EEF2K: variants seen among roughly 807,000 people sequenced by gnomAD.
EEF2K encodes eukaryotic elongation factor 2 kinase.
A neutral mutation model predicts 93.8 loss-of-function variants in EEF2K; 70 were observed. That is an observed-to-expected ratio of 0.75 (90% CI 0.62 to 0.91). The LOEUF is 0.91. Among genes scored for constraint, EEF2K ranks in the 40% least tolerant of loss-of-function variants. EEF2K has a pLI of 0.00. For synonymous variants in EEF2K, 376 were observed against 380.8 expected (o/e 0.99, Z 0.15); for missense variants, 935 against 972.9 (o/e 0.96, Z 0.52).
Position 22,285,771 on chromosome 16 carries a change from T to A in EEF2K, c.*1775T>A, listed in dbSNP as rs547074676. Reference sequence around the variant, plus strand: ...AAGCAGAGTATAACATACAAACCATTCTTAACTATTCATTAAAATGGGTCC... The same window carrying A: ...AAGCAGAGTATAACATACAAACCATACTTAACTATTCATTAAAATGGGTCC... On this transcript the variant is annotated 3_prime_UTR_variant, in exon 18 of 18. Transcript: ENST00000263026. 5.2e-5 allele frequency: 8 copies of A among 152,680 alleles called. No individual in the cohort carries two copies. The highest frequency in any genetic ancestry group is 1.9e-4 in the African/African-American group (8 of 41,586). The allele number at this position is 152,680 out of a possible 1,614,324, so 9.5% of individuals were successfully genotyped here.
At chr16:22,249,731 C>T (rs533518391) in intron 4 of EEF2K, among the ~76,000 whole-genome samples, 1 of 152,216 alleles carries the variant, frequency 6.6e-6, no homozygotes, top group East Asian at 1.9e-4. Context: ...CCTCAGCCTC[C>T]CGAGTAGCTC....
At chr16:22,236,532 A>G (rs1047013318) in intron 2 of EEF2K, among the ~76,000 whole-genome samples, 14 of 151,920 alleles carry the variant, frequency 9.2e-5, no homozygotes, top group Admixed American at 1.3e-4. Flanking sequence ...GATGATGGGG[A>G]AAAAAATGAT....
chr16:22,271,153 A>G (rs2047577787), intron 15 of EEF2K, among the ~76,000 whole-genome samples: 1 of 151,304 alleles, frequency 6.6e-6, no homozygotes, highest in South Asian at 2.1e-4. Context: ...TATTTTTAGT[A>G]GAGAAGGGAT....
rs558165639 is a variant in EEF2K, at chr16:22,262,973, G to A, written c.1300-137G>A. On this transcript the variant is annotated intron_variant, in intron 11 of 17. Transcript: ENST00000263026. Reference sequence around the variant, plus strand: ...ATTACAGGCATGAGCCACCACACCCGGCAAGGGACAGCAGGAGCAGGGTGT... The same window carrying A: ...ATTACAGGCATGAGCCACCACACCCAGCAAGGGACAGCAGGAGCAGGGTGT... 584 of 645,422 alleles carry A rather than the reference G, an allele frequency of 9.0e-4. 2 individuals are homozygous for A. The highest frequency in any genetic ancestry group is 5.3e-3 in the South Asian group (282 of 52,870). The allele number at this position is 645,422 out of a possible 1,614,324, so 40.0% of individuals were successfully genotyped here. A position where few individuals can be genotyped will look rare whatever the true frequency, so the allele number is the denominator to read the frequency against.
chr16:22,235,363 G>C (rs559012472), intron 2 of EEF2K, among the ~76,000 whole-genome samples: 2 of 148,608 alleles, frequency 1.3e-5, no homozygotes, highest in Non-Finnish European at 3.0e-5. Context: ...AGTTTTTTTC[G>C]GCAAGCAAGA....
intron 4 of EEF2K, 52 bp from the exon 5 acceptor site, chr16:22,250,602 C>T (rs781255754): frequency 3.1e-6 from 5 of 1,612,770 alleles, no homozygotes. Flanking sequence ...GTCTTAGGGT[C>T]CCTTTTGGGT....
intron 2 of EEF2K, among the ~76,000 whole-genome samples, chr16:22,234,248 T>C (rs1377576271): frequency 1.3e-5 from 2 of 152,174 alleles, no homozygotes; most frequent in East Asian, 3.9e-4. Flanking sequence ...ACTTTGGTGA[T>C]TACACTCATA....
At chr16:22,232,276 G>A (rs1043312951) in intron 2 of EEF2K, among the ~76,000 whole-genome samples, 7 of 152,052 alleles carry the variant, frequency 4.6e-5, no homozygotes, top group Admixed American at 2.0e-4. Context: ...GCCCAGGCTG[G>A]AGTACAGTGG....
chr16:22,235,175 C>T (rs910247792), intron 2 of EEF2K, among the ~76,000 whole-genome samples: 4 of 151,576 alleles, frequency 2.6e-5, no homozygotes, highest in Admixed American at 6.6e-5. Context: ...GATTGTACAA[C>T]TGCACTCCAG....
chr16:22,262,001 CCACA>C (rs71151667), intron 11 of EEF2K, among the ~76,000 whole-genome samples: 8,534 of 137,998 alleles, frequency 0.062, 239 homozygotes, highest in Non-Finnish European at 0.076. Context: ...TGAGACCCTG[CCACA>C]CACACACACA....
At chr16:22,235,644 T>C (rs1209685060) in intron 2 of EEF2K, among the ~76,000 whole-genome samples, 1 of 152,142 alleles carries the variant, frequency 6.6e-6, no homozygotes, top group Non-Finnish European at 1.5e-5. Context: ...ATTACAGGCA[T>C]GCACCACCAC....
intron 12 of EEF2K, among the ~76,000 whole-genome samples, chr16:22,264,511 C>T (rs900855184): frequency 2.6e-5 from 4 of 151,988 alleles, no homozygotes; most frequent in Admixed American, 1.3e-4. Flanking sequence ...GAGCTCTGCC[C>T]GTTACCCCAG....
intron 1 of EEF2K, among the ~76,000 whole-genome samples, chr16:22,210,655 G>A (rs527651807): frequency 6.6e-6 from 1 of 152,142 alleles, no homozygotes; most frequent in Non-Finnish European, 1.5e-5. Context: ...CTGTTCCTTA[G>A]TTTTCTCATC....
chr16:22,278,053 A>T (rs908485855), intron 16 of EEF2K, among the ~76,000 whole-genome samples: 3 of 152,072 alleles, frequency 2.0e-5, no homozygotes, highest in African/African-American at 7.2e-5. Context: ...AAAAAATTTT[A>T]AAAATTAGCC....
intron 6 of EEF2K, among the ~76,000 whole-genome samples, chr16:22,253,215 C>T (rs770217480): frequency 2.0e-5 from 3 of 152,196 alleles, no homozygotes; most frequent in East Asian, 1.9e-4. Flanking sequence ...TGTTGCCTTT[C>T]GGCATTTGAG....
At chr16:22,278,109 A>G (rs375932812) in intron 16 of EEF2K, among the ~76,000 whole-genome samples, 1 of 152,138 alleles carries the variant, frequency 6.6e-6, no homozygotes, top group East Asian at 1.9e-4. Flanking sequence ...CAGGAGGTTA[A>G]AATGGGAGGA....
intron 11 of EEF2K, among the ~76,000 whole-genome samples, chr16:22,260,769 G>A (rs996440730): frequency 3.3e-5 from 5 of 152,200 alleles, no homozygotes; most frequent in Admixed American, 3.3e-4. Flanking sequence ...AGGGAAGAGG[G>A]ACTCCCAGTC....
intron 2 of EEF2K, among the ~76,000 whole-genome samples, chr16:22,243,815 C>T (rs937096097): frequency 1.0e-4 from 15 of 150,540 alleles, no homozygotes; most frequent in Admixed American, 6.7e-5. Context: ...TCCAGCTACT[C>T]CCAAGGCTGA....
intron 16 of EEF2K, among the ~76,000 whole-genome samples, chr16:22,274,443 C>CAAAAAA (rs755376945): frequency 1.4e-5 from 1 of 69,966 alleles, no homozygotes; most frequent in East Asian, 4.5e-4. Context: ...GATTCCCTCT[C>CAAAAAA]AAAAAAAAAA....
Sources: gnomAD v4.1 joint callset for allele counts (sites outside exome capture counted in the v4.1 genomes callset) on GRCh38, gnomAD v4.1.1 for gene constraint, MANE v1.5 for transcripts, NCBI Gene and HGNC (gene_info 2026-07-23, HGNC 2026-07-21) for gene names.